CDH13: variants seen among roughly 807,000 people sequenced by gnomAD.
CDH13 encodes cadherin 13.
CDH13 carries 24 observed loss-of-function variants against 63.8 expected under a neutral mutation model. The ratio of observed to expected loss-of-function variants is 0.38; its 90% CI spans 0.27 to 0.53. The LOEUF (loss-of-function observed/expected upper bound fraction) is 0.53. Among genes scored for constraint, CDH13 ranks in the 20% least tolerant of loss-of-function variants. The pLI is 0.85. For synonymous variants in CDH13, 503 were observed against 355.3 expected, an observed-to-expected ratio of 1.42 and a Z score of -4.67; for missense variants, 1,049 against 903.1, an observed-to-expected ratio of 1.16 and a Z score of -2.07.
intron 5 of CDH13, among the ~76,000 whole-genome samples, chr16:83,326,483 A>G (rs2090365782): frequency 6.6e-6 from 1 of 151,094 alleles, no homozygotes; most frequent in Admixed American, 6.6e-5. Flanking sequence ...CTATGGGAGT[A>G]CAATATTTGT....
At chr16:82,850,440 C>T (rs1441442952) in intron 1 of CDH13, among the ~76,000 whole-genome samples, 1 of 152,144 alleles carries the variant, frequency 6.6e-6, no homozygotes, top group Admixed American at 6.5e-5. Context: ...GGAGCTGCTT[C>T]TTATGGATGA....
chr16:82,943,244 G>C (rs1160510064), intron 2 of CDH13, among the ~76,000 whole-genome samples: 2 of 152,014 alleles, frequency 1.3e-5, no homozygotes, highest in African/African-American at 4.8e-5. Flanking sequence ...AAGAAATAAA[G>C]GCACAATTTC....
intron 8 of CDH13, among the ~76,000 whole-genome samples, chr16:83,645,211 A>T (rs1251178980): frequency 6.6e-6 from 1 of 152,222 alleles, no homozygotes; most frequent in Non-Finnish European, 1.5e-5. Context: ...AATACTATGC[A>T]GCCATAAAAA....
At chr16:83,405,160 C>G (rs996436780) in intron 6 of CDH13, among the ~76,000 whole-genome samples, 89 of 151,948 alleles carry the variant, frequency 5.9e-4, no homozygotes, top group Middle Eastern at 6.8e-3. Context: ...CTTAACAATT[C>G]TATGTGCATT....
chr16:83,775,280 C>T (rs541954751), intron 11 of CDH13, among the ~76,000 whole-genome samples: 2 of 151,780 alleles, frequency 1.3e-5, no homozygotes, highest in Non-Finnish European at 2.9e-5. Flanking sequence ...TCTGTGGACT[C>T]TTCAGGTATA....
intron 4 of CDH13, among the ~76,000 whole-genome samples, chr16:83,191,411 G>C (rs2038694369): frequency 7.1e-6 from 1 of 141,216 alleles, no homozygotes; most frequent in African/African-American, 2.6e-5. Context: ...GAGTTTATTT[G>C]ATGATTGTAT....
chr16:82,797,488 C>T (rs929227706), intron 1 of CDH13, among the ~76,000 whole-genome samples: 2 of 152,184 alleles, frequency 1.3e-5, no homozygotes, highest in African/African-American at 4.8e-5. Flanking sequence ...AGCTTCTCAT[C>T]ACATCACTTT....
At chr16:83,602,368 C>A in intron 7 of CDH13, 86 bp from the exon 8 acceptor site, 1 of 1,342,134 alleles carries the variant, frequency 7.5e-7, no homozygotes, top group Non-Finnish European at 1.1e-6. Context: ...GGGGGAGAGA[C>A]AGCTCCAGCA....
At chr16:82,766,338 G>A (rs1277872235) in intron 1 of CDH13, among the ~76,000 whole-genome samples, 2 of 152,206 alleles carry the variant, frequency 1.3e-5, no homozygotes, top group Non-Finnish European at 2.9e-5. Context: ...TGTTTCTGAA[G>A]GATTGAATCT....
At chr16:83,279,127 A>G (rs2089083793) in intron 5 of CDH13, among the ~76,000 whole-genome samples, 1 of 151,042 alleles carries the variant, frequency 6.6e-6, no homozygotes, top group Non-Finnish European at 1.5e-5. Context: ...TGAATTGAAT[A>G]TTTAGTCACA....
chr16:82,678,312 GA>G (rs1371005546), intron 1 of CDH13, among the ~76,000 whole-genome samples: 1 of 110,096 alleles, frequency 9.1e-6, no homozygotes, highest in South Asian at 3.4e-4. Context: ...ATGGCATACA[GA>G]AAAAACTTTT....
intron 7 of CDH13, among the ~76,000 whole-genome samples, chr16:83,518,857 C>G (rs915864345): frequency 1.3e-5 from 2 of 152,196 alleles, no homozygotes; most frequent in Non-Finnish European, 1.5e-5. Context: ...TTGGCTTCCC[C>G]TTTCACCATG....
intron 5 of CDH13, among the ~76,000 whole-genome samples, chr16:83,328,076 T>G (rs1567594907): frequency 6.8e-6 from 1 of 147,864 alleles, no homozygotes; most frequent in African/African-American, 2.5e-5. Flanking sequence ...GAGCTTGCAG[T>G]GAGCCGAGAT....
intron 2 of CDH13, among the ~76,000 whole-genome samples, chr16:83,026,682 C>T (rs1232734294): frequency 6.6e-6 from 1 of 152,108 alleles, no homozygotes; most frequent in African/African-American, 2.4e-5. Context: ...TATAGAATTG[C>T]TATGAGGCTG....
chr16:83,680,607 C>T (rs1915326228), intron 10 of CDH13, among the ~76,000 whole-genome samples: 1 of 152,128 alleles, frequency 6.6e-6, no homozygotes, highest in Non-Finnish European at 1.5e-5. Context: ...CATCCTACCG[C>T]TGTGTGAGAG....
intron 10 of CDH13, among the ~76,000 whole-genome samples, chr16:83,720,889 G>A (rs1010167543): frequency 6.6e-6 from 1 of 152,194 alleles, no homozygotes; most frequent in Non-Finnish European, 1.5e-5. Context: ...TATGGAGTGG[G>A]TTATAACTGT....
At chr16:83,381,745 A>T (rs565610744) in intron 6 of CDH13, among the ~76,000 whole-genome samples, 4 of 151,984 alleles carry the variant, frequency 2.6e-5, no homozygotes, top group Non-Finnish European at 5.9e-5. Context: ...TACCAAGAGG[A>T]TAAACACCTT....
At chr16:82,923,143 A>G (rs1224730852) in intron 2 of CDH13, among the ~76,000 whole-genome samples, 1 of 152,212 alleles carries the variant, frequency 6.6e-6, no homozygotes, top group African/African-American at 2.4e-5. Flanking sequence ...GGTTGCCACG[A>G]AGCTGCAATT....
intron 4 of CDH13, among the ~76,000 whole-genome samples, chr16:83,168,479 A>G (rs1290010594): frequency 6.6e-6 from 1 of 152,080 alleles, no homozygotes; most frequent in Non-Finnish European, 1.5e-5. Context: ...TAGCTATTTC[A>G]TGAATAGATA....
Sources: gnomAD v4.1 joint callset for allele counts (sites outside exome capture counted in the v4.1 genomes callset) on GRCh38, gnomAD v4.1.1 for gene constraint, MANE v1.5 for transcripts, NCBI Gene and HGNC (gene_info 2026-07-23, HGNC 2026-07-21) for gene names.